Variants in DCTN2 observed in about 807,000 individuals in gnomAD.
DCTN2 encodes 50 kDa dynein-associated polypeptide.
DCTN2 carries 18 observed loss-of-function variants against 55.4 expected under a neutral mutation model. The observed-to-expected ratio is 0.32, with a 90% CI of 0.22 to 0.48. The LOEUF (loss-of-function observed/expected upper bound fraction) is 0.48, where lower values mean the gene tolerates loss of function less well. Ranked by LOEUF, DCTN2 falls within the 20% of genes least tolerant of loss-of-function variation. The pLI is 0.99. For synonymous variants in DCTN2, 168 were observed against 185.2 expected, an observed-to-expected ratio of 0.91 and a Z score of 0.76; for missense variants, 390 against 491.0, an observed-to-expected ratio of 0.79 and a Z score of 1.94.
chr12:57,541,357 G>A, intron 2 of DCTN2: 1 of 1,599,238 alleles, frequency 6.3e-7, no homozygotes, highest in South Asian at 1.1e-5. Context: ...GCATTGAATG[G>A]TCTTACTTGT....
chr12:57,543,798 C>G, intron 2 of DCTN2: 4 of 1,289,286 alleles, frequency 3.1e-6, no homozygotes, highest in Non-Finnish European at 4.0e-6. Flanking sequence ...CTCATATGCA[C>G]TTCTATACTG....
intron 2 of DCTN2, among the ~76,000 whole-genome samples, chr12:57,536,883 G>T (rs1880278091): frequency 6.6e-6 from 1 of 152,062 alleles, no homozygotes; most frequent in South Asian, 2.1e-4. Context: ...TTTTCTGTTG[G>T]GGATGACATC....
At position 57,540,164 on chromosome 12, in the gene DCTN2, T is replaced by C. The variant is rs1375147090; in HGVS notation, c.106-4319A>G. On this transcript the variant is annotated intron_variant, in intron 2 of 13. Coordinates refer to ENST00000548249, the MANE Select transcript of DCTN2 (RefSeq NM_001261413.2). ...GTGTAAGCACCCATAAGTGCAAACA[T>C]GCAAACACAAAGGAGAAGTACACAC... 3.1e-6 allele frequency: 3 copies of C among 976,266 alleles called. No individual in the cohort carries two copies. In the East Asian group the frequency reaches 3.4e-4, roughly 111 times the overall value. The allele number at this position is 976,266 out of a possible 1,614,324, so 60.5% of individuals were successfully genotyped here. A position where few individuals can be genotyped will look rare whatever the true frequency, so the allele number is the denominator to read the frequency against.
intron 2 of DCTN2, among the ~76,000 whole-genome samples, chr12:57,541,976 G>C (rs981667238): frequency 6.6e-6 from 1 of 152,186 alleles, no homozygotes; most frequent in Non-Finnish European, 1.5e-5. Flanking sequence ...TAAAGGGATA[G>C]TAGAAAAATC....
rs201940882 is a variant in DCTN2 at position 57,534,042 on chromosome 12, T to C, written c.580A>G (p.Lys194Glu). The C allele has an allele frequency of 1.4e-4, 226 of 1,613,340 alleles. No homozygotes were observed. Among genetic ancestry groups the C allele is most frequent in the Non-Finnish European group, 1.9e-4 (219 of 1,179,654 alleles). ...TKNSKGGSGG[K>E]TTGTPPDSSL... ...CTATCTGGGGGGGTCCCAGTGGTTTTTCCCCCTGATCCCCCTTTGCTGTTC... is the reference window on the plus strand; with the variant it reads ...CTATCTGGGGGGGTCCCAGTGGTTTCTCCCCCTGATCCCCCTTTGCTGTTC... The change falls in exon 7 of 14, where the codon AAA (lysine) becomes GAA (glutamate). Residue 194 changes from lysine to glutamate, a missense_variant. Lys to Glu is a moderately conservative substitution (Grantham distance 56). Around this residue, in one of 2 missense-constraint regions of DCTN2, gnomAD observed 273 missense variants for 303.2 expected, o/e 0.90. Coordinates refer to ENST00000548249, the MANE Select transcript of DCTN2 (RefSeq NM_001261413.2).
chr12:57,532,812 TG>T lies in DCTN2; in HGVS notation c.775-3del, dbSNP rs1422684307. 1 of 1,613,938 alleles carries T rather than the reference TG, an allele frequency of 6.2e-7. No homozygotes were observed. Among genetic ancestry groups the T allele is most frequent in the Non-Finnish European group, 8.5e-7 (1 of 1,179,858 alleles). On this transcript the variant is annotated splice_region_variant and splice_polypyrimidine_tract_variant and intron_variant, in intron 9 of 13. Transcript: ENST00000548249. ...TGCTTGCAACAGCTCTACAGTCTCCTGGGGATGGAAGTTGGGACAAGCATCA... is the reference window on the plus strand; with the variant it reads ...TGCTTGCAACAGCTCTACAGTCTCCTGGGATGGAAGTTGGGACAAGCATCA...
At chr12:57,542,923 G>C (rs1880816820) in intron 2 of DCTN2, 1 of 456,022 alleles carries the variant, frequency 2.2e-6, no homozygotes, top group South Asian at 1.5e-5. Context: ...GCAGAGGTGG[G>C]AGGCAGATTT....
Position 57,532,558 on chromosome 12 carries a change from G to A in DCTN2, c.924+14C>T, listed in dbSNP as rs1242515395. 2 of 1,613,646 alleles carry A rather than the reference G, an allele frequency of 1.2e-6. No homozygotes were observed. The highest frequency in any genetic ancestry group is 2.2e-5 in the East Asian group (1 of 44,888). ...GAGGGAGTGGAAAGGAGATGGGGAA[G>A]GTGTCTTCCTGACCTTGCTTTGTGT... On this transcript the variant is annotated intron_variant, in intron 11 of 13. Transcript: ENST00000548249.
At chr12:57,535,410 G>A (rs1480825225) in intron 4 of DCTN2, 74 bp downstream of exon 4, 3 of 1,561,426 alleles carry the variant, frequency 1.9e-6, no homozygotes, top group Non-Finnish European at 2.6e-6. Flanking sequence ...TGTATCCCTT[G>A]ATCTCCCTAC....
In DCTN2 at chr12:57,535,631, A is replaced by G. The variant is rs1455927542; in HGVS notation, c.203-86T>C. ...AGGTGACTGTGAGGGCTTCCATAAA[A>G]TATCTCCATGAGGGACCCCTTCCCC... On this transcript the variant is annotated intron_variant, in intron 3 of 13. Coordinates refer to ENST00000548249, the MANE Select transcript of DCTN2 (RefSeq NM_001261413.2). The G allele has an allele frequency of 3.0e-5, 47 of 1,547,312 alleles. No individual in the cohort carries two copies. The East Asian group carries it at 1.0e-3, about 34-fold the overall frequency.
intron 2 of DCTN2, 64 bp downstream of exon 2, chr12:57,545,964 G>A: frequency 6.5e-7 from 1 of 1,536,166 alleles, no homozygotes; most frequent in South Asian, 1.1e-5. Context: ...CCGAGAAAGG[G>A]AAGGACCTGT....
intron 11 of DCTN2, 61 bp from the exon 12 acceptor site, chr12:57,532,376 A>T: frequency 6.9e-7 from 1 of 1,442,050 alleles, no homozygotes; most frequent in Non-Finnish European, 9.5e-7. Flanking sequence ...GTATGTACAG[A>T]CTGCTATTTC....
Position 57,530,613 on chromosome 12 carries a change from GGGGAAACC to G in DCTN2, c.*68_*75del. The G allele has an allele frequency of 2.3e-6, 3 of 1,302,322 alleles. No homozygotes were observed. The highest frequency in any genetic ancestry group is 3.3e-6 in the Non-Finnish European group (3 of 915,576). The allele number at this position is 1,302,322 out of a possible 1,614,324, so 80.7% of individuals were successfully genotyped here. A position where few individuals can be genotyped will look rare whatever the true frequency, so the allele number is the denominator to read the frequency against. On this transcript the variant is annotated 3_prime_UTR_variant, in exon 14 of 14. Transcript: ENST00000548249. ...ATGGGGATGCTAGAGTTATAGTAAAGGGGAAACCCTATGTAAGCTGTTAACAGAGTTCA... is the reference window on the plus strand; with the variant it reads ...ATGGGGATGCTAGAGTTATAGTAAAGCTATGTAAGCTGTTAACAGAGTTCA...
chr12:57,538,558 G>T (rs1373721120), intron 2 of DCTN2: 2 of 749,772 alleles, frequency 2.7e-6, no homozygotes, highest in Middle Eastern at 2.3e-4. Flanking sequence ...AAAATCAAAA[G>T]AGTTAAAAGG....
At chr12:57,533,499 CG>C (rs1879932497) in intron 7 of DCTN2, among the ~76,000 whole-genome samples, 196 bp from the exon 8 acceptor site, 2 of 152,150 alleles carry the variant, frequency 1.3e-5, no homozygotes, top group Non-Finnish European at 2.9e-5. Flanking sequence ...AGGTCGGGCG[CG>C]GTGGCTCACG....
chr12:57,532,137 A>G, intron 12 of DCTN2, 31 bp from the exon 13 acceptor site: 1 of 1,553,140 alleles, frequency 6.4e-7, no homozygotes, highest in Non-Finnish European at 8.7e-7. Flanking sequence ...TGAGACTTGA[A>G]TCCAAGATAA....
chr12:57,532,436 C>G (rs2025428205), intron 11 of DCTN2, 121 bp from the exon 12 acceptor site: 10 of 1,329,652 alleles, frequency 7.5e-6, no homozygotes, highest in South Asian at 2.4e-5. Flanking sequence ...AGTGCCCTGA[C>G]TTTCCAAGCT....
intron 2 of DCTN2, chr12:57,538,460 A>G (rs1258296728): frequency 1.3e-6 from 1 of 751,428 alleles, no homozygotes; most frequent in East Asian, 2.4e-5. Flanking sequence ...AGGACAGAGA[A>G]ACAACTGCTC....
intron 2 of DCTN2, chr12:57,543,044 G>T: frequency 2.2e-6 from 1 of 454,724 alleles, no homozygotes; most frequent in Non-Finnish European, 4.4e-6. Flanking sequence ...GAATGCTGTT[G>T]TCAGGGGTTA....
Sources: allele counts gnomAD v4.1 joint callset (sites outside exome capture counted in the v4.1 genomes callset), GRCh38; gene constraint gnomAD v4.1.1; regional missense constraint gnomAD v4.1.1; transcripts MANE v1.5; gene names NCBI Gene and HGNC (gene_info 2026-07-23, HGNC 2026-07-21).